The following PRLR variants were observed in gnomAD, a reference collection of about 807,000 sequenced individuals.
PRLR encodes prolactin receptor.
Under a neutral mutation model 40.2 loss-of-function variants are expected in PRLR, and 13 were observed. The observed-to-expected ratio is 0.32, with a 90% CI of 0.21 to 0.51. PRLR has a LOEUF of 0.51. PRLR is among the 20% of genes least tolerant of loss of function. The pLI is 0.97. For synonymous variants in PRLR, 269 were observed against 278.7 expected (o/e 0.97, Z 0.35); for missense variants, 656 against 747.3 (o/e 0.88, Z 1.42).
chr5:35,204,878 T>G (rs926877357), intron 1 of PRLR, among the ~76,000 whole-genome samples: 1 of 152,142 alleles, frequency 6.6e-6, no homozygotes, highest in Non-Finnish European at 1.5e-5. Context: ...GATGATAACA[T>G]CACATCTTTG....
intron 6 of PRLR, 127 bp downstream of exon 6, chr5:35,072,448 G>A: frequency 9.6e-7 from 1 of 1,036,622 alleles, no homozygotes; most frequent in Non-Finnish European, 1.4e-6. Flanking sequence ...ACATCTGGGT[G>A]GGTCACAACT....
chr5:35,201,219 C>T (rs1775876029), intron 1 of PRLR, among the ~76,000 whole-genome samples: 1 of 152,122 alleles, frequency 6.6e-6, no homozygotes, highest in African/African-American at 2.4e-5. Context: ...GGAGTAACTC[C>T]TCCCCCTCCC....
intron 5 of PRLR, chr5:35,081,577 C>G (rs1770521728): frequency 6.5e-6 from 1 of 153,776 alleles, no homozygotes; most frequent in Admixed American, 6.5e-5. Context: ...CCAACATAGT[C>G]TTTCACCAGA....
chr5:35,148,962 C>T (rs1294766719), intron 1 of PRLR, among the ~76,000 whole-genome samples: 1 of 152,018 alleles, frequency 6.6e-6, no homozygotes, highest in African/African-American at 2.4e-5. Flanking sequence ...CAAAAATACA[C>T]ATTTACAGAA....
intron 1 of PRLR, among the ~76,000 whole-genome samples, chr5:35,210,762 T>C (rs1474310327): frequency 2.0e-5 from 3 of 152,104 alleles, no homozygotes; most frequent in African/African-American, 7.2e-5. Context: ...CAGGCTGGAG[T>C]GCAGTGGCGT....
intron 5 of PRLR, 82 bp downstream of exon 5, chr5:35,084,388 C>T: frequency 7.4e-7 from 1 of 1,353,412 alleles, no homozygotes; most frequent in Non-Finnish European, 9.9e-7. Context: ...CATCCAAAAC[C>T]CAAGAAGACT....
chr5:35,178,870 G>T (rs1775216687), intron 1 of PRLR, among the ~76,000 whole-genome samples: 1 of 152,120 alleles, frequency 6.6e-6, no homozygotes, highest in Admixed American at 6.5e-5. Flanking sequence ...TGTAAATACA[G>T]ATCTCACTTT....
chr5:35,213,743 TAGA>T (rs1178855106), intron 1 of PRLR, among the ~76,000 whole-genome samples: 4 of 152,216 alleles, frequency 2.6e-5, no homozygotes, highest in African/African-American at 9.6e-5. Flanking sequence ...TCCATGTGGC[TAGA>T]AGAAGCCAGG....
intron 1 of PRLR, among the ~76,000 whole-genome samples, chr5:35,199,838 A>G (rs1441319186): frequency 6.6e-6 from 1 of 152,226 alleles, no homozygotes; most frequent in African/African-American, 2.4e-5. Flanking sequence ...AAATTCAAAA[A>G]TGTATCTATT....
chr5:35,156,665 T>C (rs759004591), intron 1 of PRLR, among the ~76,000 whole-genome samples: 1 of 152,168 alleles, frequency 6.6e-6, no homozygotes, highest in Admixed American at 6.5e-5. Context: ...TTGTCTACAA[T>C]GCTCTTCCTC....
At chr5:35,048,789 GCGAA>G (rs1768371769) in exon 9 of PRLR, 3 of 211,382 alleles carry the variant, frequency 1.4e-5, no homozygotes, top group Non-Finnish European at 3.0e-5. Flanking sequence ...CAACCAGGTT[GCGAA>G]GAGTACATCT....
In PRLR at chr5:35,202,639, C is replaced by A. The variant is rs114152300; in HGVS notation, c.-106+27629G>T. 8.4e-3 allele frequency among the ~76,000 whole-genome samples: 1,271 copies of A among 152,172 alleles called. 16 individuals are homozygous for A. The highest frequency in any genetic ancestry group is 0.03 in the African/African-American group (1,226 of 41,516). On this transcript the variant is annotated intron_variant, in intron 1 of 9. Transcript: ENST00000618457. ...TATTGGTGCCTGGTATACAGACTGG[C>A]ACATAGTGGGTGAGCAACAGCTATT...
chr5:35,204,780 G>A (rs115366662), intron 1 of PRLR, among the ~76,000 whole-genome samples: 2,097 of 152,196 alleles, frequency 0.014, 51 homozygotes, highest in African/African-American at 0.047. Flanking sequence ...CATGTCTTAT[G>A]CATCTCTATA....
At chr5:35,220,399 A>C (rs943536372) in intron 1 of PRLR, among the ~76,000 whole-genome samples, 1 of 152,096 alleles carries the variant, frequency 6.6e-6, no homozygotes, top group Non-Finnish European at 1.5e-5. Flanking sequence ...AGCTCTCGGC[A>C]TGCTTTTCTT....
intron 6 of PRLR, 122 bp from the exon 7 acceptor site, chr5:35,070,387 A>T: frequency 2.9e-6 from 3 of 1,045,524 alleles, no homozygotes; most frequent in Non-Finnish European, 2.8e-6. Flanking sequence ...CCCTGCTGTC[A>T]CTACTCCACT....
chr5:35,080,642 C>A (rs190298046), intron 5 of PRLR, among the ~76,000 whole-genome samples: 1,811 of 152,230 alleles, frequency 0.012, 16 homozygotes, highest in Non-Finnish European at 0.02. Flanking sequence ...GGCGATTCCT[C>A]AAGGATCTAG....
intron 2 of PRLR, among the ~76,000 whole-genome samples, chr5:35,100,361 T>G (rs1350437895): frequency 6.6e-6 from 1 of 152,110 alleles, no homozygotes; most frequent in Admixed American, 6.5e-5. Context: ...GGCTTCACAT[T>G]CAGTCGCCAC....
chr5:35,107,257 GC>G (rs1313873335), intron 2 of PRLR, among the ~76,000 whole-genome samples: 13 of 152,152 alleles, frequency 8.5e-5, no homozygotes, highest in Non-Finnish European at 4.4e-5. Context: ...AGCACTAAAT[GC>G]CCACAAGAGA....
At position 35,056,127 on chromosome 5, in the gene PRLR, G is replaced by A. The variant is rs1390523596; in HGVS notation, c.*8962C>T. The A allele has an allele frequency of 1.3e-5, 2 of 152,050 alleles. No homozygotes were observed. The highest frequency in any genetic ancestry group is 4.8e-5 in the African/African-American group (2 of 41,394). The allele number at this position is 152,050 out of a possible 1,614,324, so 9.4% of individuals were successfully genotyped here. A position where few individuals can be genotyped will look rare whatever the true frequency, so the allele number is the denominator to read the frequency against. On this transcript the variant is annotated 3_prime_UTR_variant, in exon 10 of 10. Coordinates refer to ENST00000618457, the MANE Select transcript of PRLR (RefSeq NM_000949.7). Reference sequence around the variant, plus strand: ...GCTTCAAGTCAGTTTGTAAGTATCTGTTTTTAATGTGAACCTGATGATAAC... The same window carrying A: ...GCTTCAAGTCAGTTTGTAAGTATCTATTTTTAATGTGAACCTGATGATAAC...
Sources: gnomAD v4.1 joint callset for allele counts (sites outside exome capture counted in the v4.1 genomes callset) on GRCh38, gnomAD v4.1.1 for gene constraint, MANE v1.5 for transcripts, NCBI Gene and HGNC (gene_info 2026-07-23, HGNC 2026-07-21) for gene names.